The following RAB3IP variants were observed in gnomAD, a reference collection of about 807,000 sequenced individuals.
RAB3IP encodes the protein RAB3A interacting protein.
A neutral mutation model predicts 59.1 loss-of-function variants in RAB3IP; 36 were observed. The ratio of observed to expected loss-of-function variants is 0.61; its 90% CI spans 0.47 to 0.80. The LOEUF (loss-of-function observed/expected upper bound fraction) is 0.80, where lower values mean the gene tolerates loss of function less well. Ranked by LOEUF, RAB3IP falls within the 30% of genes least tolerant of loss-of-function variation. The pLI is 0.00. For synonymous variants in RAB3IP, 207 were observed against 191.2 expected (o/e 1.08, Z -0.68); for missense variants, 511 against 536.0 (o/e 0.95, Z 0.46).
At chr12:69,792,573 A>C (rs1022244021) in intron 4 of RAB3IP, among the ~76,000 whole-genome samples, 1 of 152,188 alleles carries the variant, frequency 6.6e-6, no homozygotes, top group Non-Finnish European at 1.5e-5. Context: ...AGTGTGATGG[A>C]AAATTTTCAA....
chr12:69,790,587 A>ATT (rs965744417), intron 4 of RAB3IP, among the ~76,000 whole-genome samples: 3 of 147,134 alleles, frequency 2.0e-5, no homozygotes, highest in East Asian at 2.0e-4. Flanking sequence ...AGCCAAAGTA[A>ATT]TTTTTTTTTT....
intron 3 of RAB3IP, among the ~76,000 whole-genome samples, chr12:69,779,726 T>A (rs2136191504): frequency 6.6e-6 from 1 of 151,840 alleles, no homozygotes; most frequent in East Asian, 1.9e-4. Context: ...ATTTTTCTGA[T>A]AAATTTCTGA....
chr12:69,739,617 A>G (rs1887070757), intron 1 of RAB3IP: 2 of 594,436 alleles, frequency 3.4e-6, no homozygotes, highest in Non-Finnish European at 3.0e-6. Flanking sequence ...TTTCGGTGAA[A>G]CCTGGTGGGA....
intron 1 of RAB3IP, among the ~76,000 whole-genome samples, chr12:69,743,127 G>A (rs752293229): frequency 1.3e-5 from 2 of 152,182 alleles, no homozygotes; most frequent in African/African-American, 2.4e-5. Context: ...TCAAGAATGT[G>A]AGAATGCCCT....
intron 1 of RAB3IP, among the ~76,000 whole-genome samples, chr12:69,751,729 C>G (rs781087887): frequency 4.1e-4 from 62 of 152,116 alleles, no homozygotes; most frequent in Non-Finnish European, 7.8e-4. Context: ...AGAATACATT[C>G]CATTAGGGAT....
At chr12:69,806,570 G>GTTTTTTTTTTTTTTTTTTTTT (rs35262716) in intron 8 of RAB3IP, among the ~76,000 whole-genome samples, 11 of 68,488 alleles carry the variant, frequency 1.6e-4, no homozygotes, top group East Asian at 4.1e-4. Context: ...TGCTTCTCTA[G>GTTTTTTTTTTTTTTTTTTTTT]TTTTTTTTTT....
intron 3 of RAB3IP, among the ~76,000 whole-genome samples, chr12:69,763,868 C>G (rs1339123062): frequency 1.3e-5 from 2 of 152,150 alleles, no homozygotes; most frequent in African/African-American, 4.8e-5. Flanking sequence ...ACTTGGTGTT[C>G]TGTTCCTATG....
At chr12:69,761,654 T>G (rs1236156747) in intron 3 of RAB3IP, among the ~76,000 whole-genome samples, 1 of 152,232 alleles carries the variant, frequency 6.6e-6, no homozygotes, top group African/African-American at 2.4e-5. Flanking sequence ...TGCTCATGAT[T>G]ATATCTTGAG....
Position 69,800,278 on chromosome 12 carries a change from T to C in RAB3IP, c.958T>C (p.Phe320Leu). The C allele has an allele frequency of 1.9e-6, 3 of 1,597,870 alleles. No homozygotes were observed. The highest frequency in any genetic ancestry group is 2.6e-6 in the Non-Finnish European group (3 of 1,171,248). Reference protein sequence around the residue: ...DEPTMDRTCPFLDKIYQEDIF... With the variant: ...DEPTMDRTCPLLDKIYQEDIF... ...GCCCACAATGGACAGGACGTGTCCT[T>C]TCTTAGACAAAATCTACCAGGAAGA... The change falls in exon 7 of 11, where the codon TTC (phenylalanine) becomes CTC (leucine). Residue 320 changes from phenylalanine to leucine, a missense_variant. Coordinates refer to ENST00000247833, the MANE Select transcript of RAB3IP (RefSeq NM_022456.5).
intron 3 of RAB3IP, among the ~76,000 whole-genome samples, chr12:69,759,352 C>A (rs1330856319): frequency 6.6e-6 from 1 of 152,024 alleles, no homozygotes; most frequent in African/African-American, 2.4e-5. Flanking sequence ...TTTCTTAGTA[C>A]AGAACAAAAT....
chr12:69,782,361 C>T (rs951645276), intron 3 of RAB3IP, among the ~76,000 whole-genome samples: 2 of 152,170 alleles, frequency 1.3e-5, no homozygotes, highest in Non-Finnish European at 2.9e-5. Context: ...GACGGGGTTT[C>T]ACCATGTTGA....
At chr12:69,787,530 C>T (rs1388665995) in intron 4 of RAB3IP, among the ~76,000 whole-genome samples, 1 of 152,132 alleles carries the variant, frequency 6.6e-6, no homozygotes, top group Non-Finnish European at 1.5e-5. Flanking sequence ...ATTCATGATC[C>T]TAACTCTTGC....
At position 69,795,726 on chromosome 12, in the gene RAB3IP, T is replaced by A. The variant is rs1482464280; in HGVS notation, c.888+382T>A. ...ATAAGATGATTTTCTTAAAGATCAATACATTGCTTTTATTTAAATTCAGAG... is the reference window on the plus strand; with the variant it reads ...ATAAGATGATTTTCTTAAAGATCAAAACATTGCTTTTATTTAAATTCAGAG... On this transcript the variant is annotated intron_variant, in intron 6 of 10. Coordinates refer to ENST00000247833, the MANE Select transcript of RAB3IP (RefSeq NM_022456.5). 1.0e-5 allele frequency: 3 copies of A among 289,326 alleles called. No homozygotes were observed. In the Admixed American group the frequency reaches 1.5e-4, roughly 14 times the overall value. 17.9% of individuals were successfully genotyped at this position (289,326 alleles called of 1,614,324 possible). A position where few individuals can be genotyped will look rare whatever the true frequency, so the allele number is the denominator to read the frequency against.
chr12:69,803,447 G>T (rs931550302), intron 8 of RAB3IP, among the ~76,000 whole-genome samples: 16 of 151,950 alleles, frequency 1.1e-4, no homozygotes, highest in African/African-American at 3.6e-4. Context: ...CTATGATTAG[G>T]TACTCTTCTT....
intron 8 of RAB3IP, among the ~76,000 whole-genome samples, chr12:69,808,689 A>C (rs1879884308): frequency 6.6e-6 from 1 of 152,228 alleles, no homozygotes; most frequent in East Asian, 1.9e-4. Flanking sequence ...TTGTTGGTTT[A>C]AAGTCTGTTT....
intron 8 of RAB3IP, among the ~76,000 whole-genome samples, chr12:69,810,226 C>T (rs1433951858): frequency 1.3e-5 from 2 of 152,162 alleles, no homozygotes; most frequent in South Asian, 2.1e-4. Context: ...AGTGCTGAAC[C>T]GCAAATGCTG....
intron 6 of RAB3IP, among the ~76,000 whole-genome samples, chr12:69,799,290 A>G (rs1878007852): frequency 6.6e-6 from 1 of 152,196 alleles, no homozygotes; most frequent in South Asian, 2.1e-4. Flanking sequence ...TGGTGTATCC[A>G]GTGCCTCTGG....
intron 1 of RAB3IP, among the ~76,000 whole-genome samples, chr12:69,746,659 A>G (rs949308783): frequency 6.6e-6 from 1 of 152,192 alleles, no homozygotes; most frequent in Non-Finnish European, 1.5e-5. Flanking sequence ...TTTATCACAT[A>G]TATGTATGAA....
chr12:69,751,039 T>C (rs766033485), intron 1 of RAB3IP, among the ~76,000 whole-genome samples: 1 of 152,226 alleles, frequency 6.6e-6, no homozygotes, highest in African/African-American at 2.4e-5. Flanking sequence ...TTCTTTGATA[T>C]ACAGGAAAGC....
Sources: gnomAD v4.1 joint callset for allele counts (sites outside exome capture counted in the v4.1 genomes callset) on GRCh38, gnomAD v4.1.1 for gene constraint, MANE v1.5 for transcripts, NCBI Gene and HGNC (gene_info 2026-07-23, HGNC 2026-07-21) for gene names.